Variants in SETX observed in about 807,000 individuals in gnomAD.
SETX encodes helicase senataxin.
A neutral mutation model predicts 227.2 loss-of-function variants in SETX; 90 were observed. The ratio of observed to expected loss-of-function variants is 0.40; its 90% CI spans 0.33 to 0.47. The LOEUF (loss-of-function observed/expected upper bound fraction) is 0.47. Among genes scored for constraint, SETX ranks in the 20% least tolerant of loss-of-function variants. SETX has a pLI of 0.91. For synonymous variants in SETX, 1,210 were observed against 1,113.2 expected, an observed-to-expected ratio of 1.09 and a Z score of -1.73; for missense variants, 3,052 against 3,181.5, an observed-to-expected ratio of 0.96 and a Z score of 0.98.
intron 4 of SETX, 74 bp from the exon 5 acceptor site, chr9:132,342,873 G>T (rs1219455559): frequency 1.8e-6 from 2 of 1,091,860 alleles, no homozygotes; most frequent in Admixed American, 3.5e-5. Flanking sequence ...GGCTCCTTGG[G>T]CTATTCTGTA....
intron 15 of SETX, among the ~76,000 whole-genome samples, chr9:132,292,587 C>CA (rs1346367939): frequency 3.4e-5 from 5 of 149,244 alleles, no homozygotes; most frequent in African/African-American, 9.9e-5. Context: ...CTGTCTTATA[C>CA]AAAACATTCC....
intron 19 of SETX, among the ~76,000 whole-genome samples, chr9:132,282,598 A>C (rs993729718): frequency 5.9e-5 from 9 of 152,228 alleles, no homozygotes; most frequent in African/African-American, 2.2e-4. Flanking sequence ...GCCCTTTTCA[A>C]AACTTTGTAT....
chr9:132,286,069 G>A (rs534867199), intron 18 of SETX, among the ~76,000 whole-genome samples: 1 of 151,188 alleles, frequency 6.6e-6, no homozygotes, highest in Non-Finnish European at 1.5e-5. Flanking sequence ...TGTAATCCTA[G>A]CTACTCGGGA....
At chr9:132,324,914 TTACAC>T (rs1320949816) in intron 10 of SETX, among the ~76,000 whole-genome samples, 3 of 152,216 alleles carry the variant, frequency 2.0e-5, no homozygotes, top group Non-Finnish European at 2.9e-5. Flanking sequence ...AGTTGAATGC[TTACAC>T]TAAAGAATTA....
At chr9:132,350,045 T>G (rs954909370) in intron 2 of SETX, among the ~76,000 whole-genome samples, 52 of 152,264 alleles carry the variant, frequency 3.4e-4, no homozygotes, top group African/African-American at 1.2e-3. Flanking sequence ...GGAGAAAGGT[T>G]AGAAGGAGGT....
At chr9:132,336,583 A>G in intron 5 of SETX, 68 bp from the exon 6 acceptor site, 1 of 1,082,412 alleles carries the variant, frequency 9.2e-7, no homozygotes, top group South Asian at 1.3e-5. Context: ...GAACACAGAA[A>G]AGAAAACAGG....
intron 7 of SETX, among the ~76,000 whole-genome samples, chr9:132,333,408 A>AAATAT (rs1847380194): frequency 1.4e-5 from 1 of 72,214 alleles, no homozygotes; most frequent in African/African-American, 6.0e-5. Flanking sequence ...GAAAAAAAAA[A>AAATAT]ATATATATAC....
chr9:132,287,900 G>A (rs569374288), intron 17 of SETX, among the ~76,000 whole-genome samples: 4 of 152,232 alleles, frequency 2.6e-5, no homozygotes, highest in African/African-American at 9.6e-5. Flanking sequence ...TAGGCTGGTC[G>A]CAATGGCTCA....
At chr9:132,311,035 C>A (rs994307671) in intron 11 of SETX, among the ~76,000 whole-genome samples, 2 of 152,102 alleles carry the variant, frequency 1.3e-5, no homozygotes, top group Non-Finnish European at 2.9e-5. Context: ...GGCGCTATTT[C>A]GGCTCACTGC....
intron 6 of SETX, among the ~76,000 whole-genome samples, chr9:132,335,374 G>C (rs578192): frequency 0.9 from 114,404 of 127,318 alleles, 51,333 homozygotes; most frequent in Non-Finnish European, 0.92. Flanking sequence ...CTGGGCGACA[G>C]AGCAAGACTC....
In SETX at chr9:132,283,350, T is replaced by G; in HGVS notation, c.6460A>C (p.Thr2154Pro). Residue 2154 changes from threonine (T) to proline (P), a missense_variant, in exon 19 of 26, where the codon ACG becomes CCG. Coordinates refer to ENST00000224140, the MANE Select transcript of SETX (RefSeq NM_015046.7). ...IILESHIICC[T>P]LSTSGGLLLE... is the part of the protein sequence containing the mutation. ...AGTAAACCACCACTTGTGCTCAACG[T>G]GCAGCAGATGATATGGGACTCTAAG... is the stretch of plus-strand genomic sequence containing the variant. The G allele has an allele frequency of 6.2e-7, 1 of 1,614,196 alleles. No individual in the cohort carries two copies. Among genetic ancestry groups the G allele is most frequent in the South Asian group, 1.1e-5 (1 of 91,088 alleles).
intron 23 of SETX, among the ~76,000 whole-genome samples, chr9:132,272,718 G>A (rs572084046): frequency 6.6e-6 from 1 of 152,180 alleles, no homozygotes; most frequent in African/African-American, 2.4e-5. Context: ...CTTATACTGT[G>A]AGTTTCACAT....
chr9:132,295,963 C>A lies in SETX; in HGVS notation c.6015G>T (p.Val2005=). ...NAKIKQNRVL[V]CAPSNAAVDE... The stretch of plus-strand genomic sequence containing the variant: ...CAACAGCTGCATTGGAAGGTGCACA[C>A]ACGAGGACACGGTTTTGTTTGATTT... The change falls in exon 15 of 26, where the codon GTG becomes GTT. Residue 2005 remains valine (V), a synonymous_variant. Coordinates refer to ENST00000224140, the MANE Select transcript of SETX (RefSeq NM_015046.7). 6.2e-7 allele frequency: 1 copy of A among 1,614,182 alleles called. No homozygotes were observed. The highest frequency in any genetic ancestry group is 1.6e-4 in the Middle Eastern group (1 of 6,062).
chr9:132,354,495 C>CAA (rs11316762), intron 1 of SETX, among the ~76,000 whole-genome samples: 16 of 85,486 alleles, frequency 1.9e-4, no homozygotes, highest in East Asian at 1.2e-3. Context: ...GACCCCGTCT[C>CAA]AAAAAAAAAA....
intron 15 of SETX, among the ~76,000 whole-genome samples, chr9:132,293,490 C>T (rs1159913876): frequency 1.3e-5 from 2 of 152,100 alleles, no homozygotes; most frequent in African/African-American, 2.4e-5. Context: ...GGCGCGATCT[C>T]GGCTCACTGC....
chr9:132,308,418 T>TTCAATC (rs1845458039), intron 11 of SETX, among the ~76,000 whole-genome samples: 1 of 53,204 alleles, frequency 1.9e-5, no homozygotes, highest in Non-Finnish European at 2.9e-5. Flanking sequence ...ATAAAACTAA[T>TTCAATC]TTTTCAACAA....
At chr9:132,353,622 ACTC>A (rs1589799791) in intron 2 of SETX, 24 bp downstream of exon 2, 2 of 92,100 alleles carry the variant, frequency 2.2e-5, no homozygotes, top group Middle Eastern at 0.01. Context: ...GGTGCTCTGA[ACTC>A]CTGCTAAAAA....
At chr9:132,345,462 C>T (rs1353675732) in intron 4 of SETX, among the ~76,000 whole-genome samples, 5 of 152,052 alleles carry the variant, frequency 3.3e-5, no homozygotes, top group African/African-American at 2.4e-5. Flanking sequence ...TTAGTAGAGA[C>T]AGGGTTTCAC....
intron 11 of SETX, among the ~76,000 whole-genome samples, chr9:132,306,925 T>G (rs1489653551): frequency 6.6e-6 from 1 of 152,244 alleles, no homozygotes; most frequent in Non-Finnish European, 1.5e-5. Flanking sequence ...TTGTCATATC[T>G]TCTGTTGAAC....
Sources: allele counts gnomAD v4.1 joint callset (sites outside exome capture counted in the v4.1 genomes callset), GRCh38; gene constraint gnomAD v4.1.1; transcripts MANE v1.5; gene names NCBI Gene and HGNC (gene_info 2026-07-23, HGNC 2026-07-21).